Variants in PUF60 observed in about 807,000 individuals in gnomAD.
PUF60 encodes the protein poly(U)-binding-splicing factor PUF60.
PUF60 carries 10 observed loss-of-function variants against 61.8 expected under a neutral mutation model. That is an observed-to-expected ratio of 0.16 (90% CI 0.10 to 0.27). The LOEUF (loss-of-function observed/expected upper bound fraction) is 0.27, where lower values mean the gene tolerates loss of function less well. Among genes scored for constraint, PUF60 ranks in the 10% least tolerant of loss-of-function variants. The probability of loss-of-function intolerance (pLI) is 1.00; values close to 1 mark genes in which losing one functional copy is unlikely to be tolerated. For missense variants in PUF60, 371 were observed against 754.0 expected (o/e 0.49, Z 5.95); for synonymous variants, 353 against 300.9 (o/e 1.17, Z -1.79).
At chr8:143,827,632 G>A in intron 1 of PUF60, 6 of 352,654 alleles carry the variant, frequency 1.7e-5, no homozygotes, top group South Asian at 1.3e-4. Flanking sequence ...CCATCCCAAT[G>A]ATTAAAAGAG....
Position 143,827,599 on chromosome 8 carries a change from A to G in PUF60, c.24+1681T>C, listed in dbSNP as rs185605924. ...TGTGCCCAACCAGGACGGTGGGAAC[A>G]GATAACCCTTCTAGAAGCCTTTCCA... is the stretch of plus-strand genomic sequence containing the variant. On this transcript the variant is annotated intron_variant, in intron 1 of 11. Transcript: ENST00000526683. 1.6e-5 allele frequency: 6 copies of G among 368,682 alleles called. No homozygotes were observed. The Admixed American group carries it at 2.1e-4, about 13-fold the overall frequency. 22.8% of individuals were successfully genotyped at this position (368,682 alleles called of 1,614,324 possible).
rs782023956 is a variant in PUF60 at position 143,829,263 on chromosome 8, TG to T, written c.24+16del. On this transcript the variant is annotated intron_variant, in intron 1 of 11. Coordinates refer to ENST00000526683, the MANE Select transcript of PUF60 (RefSeq NM_078480.3). ...GCAAGCCGAGGGCCGCCCGCGCTCA[TG>T]GGGGGGCTCACTTACGAGAGCTATG... 7.0e-5 allele frequency: 88 copies of T among 1,251,320 alleles called. No individual in the cohort carries two copies. In the African/African-American group the frequency reaches 9.6e-4, roughly 14 times the overall value. The allele number at this position is 1,251,320 out of a possible 1,614,324, so 77.5% of individuals were successfully genotyped here.
At position 143,818,865 on chromosome 8, in the gene PUF60, T is replaced by TAACCCAGGCTGGGC. The variant is rs1219039534; in HGVS notation, c.349-332_349-331insGCCCAGCCTGGGTT. 2 of 351,840 alleles carry TAACCCAGGCTGGGC rather than the reference T, an allele frequency of 5.7e-6. No individual in the cohort carries two copies. Among genetic ancestry groups the TAACCCAGGCTGGGC allele is most frequent in the African/African-American group, 4.2e-5 (2 of 47,884 alleles). 21.8% of individuals were successfully genotyped at this position (351,840 alleles called of 1,614,324 possible). On this transcript the variant is annotated intron_variant, in intron 5 of 11. Coordinates refer to ENST00000526683, the MANE Select transcript of PUF60 (RefSeq NM_078480.3). This position sits in a 1 kb window ranked among gnomAD's most constrained non-coding sequence, Gnocchi z 7.9. ...CCACCCCTCCAGTCTGGGGGCTGGG[T>TAACCCAGGCTGGGC]ATCCCAGGCTGGGCTGGGAGATCCT...
At chr8:143,820,863 C>A (rs1214637407) in intron 4 of PUF60, 147 bp from the exon 5 acceptor site, 7 of 794,300 alleles carry the variant, frequency 8.8e-6, no homozygotes, top group Non-Finnish European at 1.3e-5. Context: ...GCCGCCAGCA[C>A]CTGCCCAGGG....
In PUF60 at chr8:143,820,689, C is replaced by T; in HGVS notation, c.325G>A (p.Asp109Asn). The change falls in exon 5 of 12, where the codon GAT becomes AAT. Residue 109 changes from aspartate (D) to asparagine (N), a missense_variant. Physicochemically the swap from Asp to Asn is conservative, Grantham distance 23 (BLOSUM62 1). Around this residue, in one of 13 missense-constraint regions of PUF60, gnomAD observed 35 missense variants for 173.1 expected, o/e 0.20. Coordinates refer to ENST00000526683, the MANE Select transcript of PUF60 (RefSeq NM_078480.3). ...ACCGATTGCAAAGGTGAGAGAGGATCTCCAAAGCCCATTGTCACTGCTGCC... is the reference window on the plus strand; with the variant it reads ...ACCGATTGCAAAGGTGAGAGAGGATTTCCAAAGCCCATTGTCACTGCTGCC... ...QMAAVTMGFG[D>N]PLSPLQSMAA... The T allele has an allele frequency of 6.2e-7, 1 of 1,613,092 alleles. No individual in the cohort carries two copies. The highest frequency in any genetic ancestry group is 8.5e-7 in the Non-Finnish European group (1 of 1,179,436).
chr8:143,824,735 G>A (rs1023806065), intron 1 of PUF60: 7 of 370,924 alleles, frequency 1.9e-5, no homozygotes, highest in East Asian at 1.1e-4. Context: ...CAAAGGAACC[G>A]GCTGGGTGTC....
rs782037403 is a variant in PUF60 at position 143,829,264 on chromosome 8, G to A, written c.24+16C>T. ...CAAGCCGAGGGCCGCCCGCGCTCAT[G>A]GGGGGGCTCACTTACGAGAGCTATG... On this transcript the variant is annotated intron_variant, in intron 1 of 11. Transcript: ENST00000526683. 4.0e-6 allele frequency: 5 copies of A among 1,255,210 alleles called. No individual in the cohort carries two copies. Among genetic ancestry groups the A allele is most frequent in the Non-Finnish European group, 5.0e-6 (5 of 995,402 alleles). 77.8% of individuals were successfully genotyped at this position (1,255,210 alleles called of 1,614,324 possible). A position where few individuals can be genotyped will look rare whatever the true frequency, so the allele number is the denominator to read the frequency against.
Position 143,817,873 on chromosome 8 carries a change from T to C in PUF60, c.806A>G (p.Tyr269Cys). The change falls in exon 8 of 12, where the codon TAC (tyrosine) becomes TGC (cysteine). Residue 269 changes from tyrosine (Y) to cysteine (C), a missense_variant. This residue lies in a region of PUF60 where 24 missense variants were observed against 35.0 expected (regional missense o/e 0.68). Transcript: ENST00000526683. The surrounding 1 kb of genome is among the most constrained non-coding windows in gnomAD (Gnocchi z 7.4). ...RDPTTGKHKGYGFIEYEKAQS... is the reference protein window; with the variant it reads ...RDPTTGKHKGCGFIEYEKAQS... ...CCACCCCAGCTCACCAATGAAGCCG[T>C]AGCCCTTGTGCTTGCCAGTTGTGGG... 1 of 1,612,180 alleles carries C rather than the reference T, an allele frequency of 6.2e-7. No individual in the cohort carries two copies. Among genetic ancestry groups the C allele is most frequent in the South Asian group, 1.1e-5 (1 of 91,022 alleles).
intron 1 of PUF60, among the ~76,000 whole-genome samples, chr8:143,828,677 G>A (rs867365220): frequency 1.1e-4 from 17 of 152,320 alleles, no homozygotes; most frequent in Admixed American, 6.5e-4. Flanking sequence ...CTCCCGCAGA[G>A]CTGGGGACAA....
chr8:143,827,439 G>A, intron 1 of PUF60: 1 of 456,298 alleles, frequency 2.2e-6, no homozygotes, highest in Non-Finnish European at 4.4e-6. Context: ...CAGAAGGCAT[G>A]CCCATGGGAG....
intron 4 of PUF60, chr8:143,821,381 G>A: frequency 3.3e-6 from 2 of 602,796 alleles, no homozygotes; most frequent in East Asian, 2.8e-5. Flanking sequence ...GAAAGGGGCT[G>A]CGGCGCTTTA....
intron 2 of PUF60, chr8:143,822,598 C>A (rs1817150183): frequency 4.4e-6 from 2 of 456,484 alleles, no homozygotes; most frequent in South Asian, 3.1e-5. Context: ...AAGCCAGGAG[C>A]AGACCCCACT....
chr8:143,817,243 C>T lies in PUF60; in HGVS notation c.1144+88G>A. On this transcript the variant is annotated intron_variant, in intron 10 of 11. Coordinates refer to ENST00000526683, the MANE Select transcript of PUF60 (RefSeq NM_078480.3). The surrounding 1 kb of genome is among the most constrained non-coding windows in gnomAD (Gnocchi z 7.4). ...TGCCCTGGGCTCAGAGGGTTGTGCC[C>T]AGACCACCAGGGCCAGGCAGCTGAG... The T allele has an allele frequency of 2.0e-6, 3 of 1,527,528 alleles. No homozygotes were observed. The African/African-American group carries it at 4.1e-5, about 21-fold the overall frequency. 94.6% of individuals were successfully genotyped at this position (1,527,528 alleles called of 1,614,324 possible). A position where few individuals can be genotyped will look rare whatever the true frequency, so the allele number is the denominator to read the frequency against.
chr8:143,817,834 C>T lies in PUF60; in HGVS notation c.817+28G>A. 1 of 1,608,366 alleles carries T rather than the reference C, an allele frequency of 6.2e-7. No individual in the cohort carries two copies. Among genetic ancestry groups the T allele is most frequent in the South Asian group, 1.1e-5 (1 of 90,664 alleles). On this transcript the variant is annotated intron_variant, in intron 8 of 11. Transcript: ENST00000526683. This position sits in a 1 kb window ranked among gnomAD's most constrained non-coding sequence, Gnocchi z 7.4. ...GGCCAGCCCCAGCCTCAGGTGGCCC[C>T]CATCCCGCCTCAGCCACCCCAGCTC...
Position 143,817,823 on chromosome 8 carries a change from T to C in PUF60, c.817+39A>G. 1 of 1,607,636 alleles carries C rather than the reference T, an allele frequency of 6.2e-7. No homozygotes were observed. The highest frequency in any genetic ancestry group is 8.5e-7 in the Non-Finnish European group (1 of 1,176,978). On this transcript the variant is annotated intron_variant, in intron 8 of 11. Transcript: ENST00000526683. This position sits in a 1 kb window ranked among gnomAD's most constrained non-coding sequence, Gnocchi z 7.4. ...GCAGTGAGCAGGGCCAGCCCCAGCC[T>C]CAGGTGGCCCCCATCCCGCCTCAGC...
Position 143,816,613 on chromosome 8 carries a change from G to A in PUF60, c.1587C>T (p.Ile529=), listed in dbSNP as rs1816318916. Residue 529 remains isoleucine, a synonymous_variant, in exon 12 of 12, where the codon ATC becomes ATT. Transcript: ENST00000526683. Reference sequence around the variant, plus strand: ...CAAACCAGCGGCCATTGAGGGCCTGGATGGCCTTATGAGTCTCAGAGGCTA... The same window carrying A: ...CAAACCAGCGGCCATTGAGGGCCTGAATGGCCTTATGAGTCTCAGAGGCTA... ...FSIASETHKA[I]QALNGRWFAG... The A allele has an allele frequency of 6.2e-7, 1 of 1,613,796 alleles. No individual in the cohort carries two copies. The highest frequency in any genetic ancestry group is 8.5e-7 in the Non-Finnish European group (1 of 1,179,882).
Position 143,817,139 on chromosome 8 carries a change from G to A in PUF60, c.1151C>T (p.Thr384Ile). 1 of 1,598,486 alleles carries A rather than the reference G, an allele frequency of 6.3e-7. No homozygotes were observed. The highest frequency in any genetic ancestry group is 2.2e-5 in the East Asian group (1 of 44,568). Reference sequence around the variant, plus strand: ...GACCGGGATAGGAGGACGGGCTGGGGTCACACCTGCAGGAAAACCAACCAG... The same window carrying A: ...GACCGGGATAGGAGGACGGGCTGGGATCACACCTGCAGGAAAACCAACCAG... ...AQAPGVITGV[T>I]PARPPIPVTI... The change falls in exon 11 of 12, where the codon ACC becomes ATC. Residue 384 changes from threonine to isoleucine, a missense_variant. Physicochemically the swap from Thr to Ile is moderately conservative, Grantham distance 89. Coordinates refer to ENST00000526683, the MANE Select transcript of PUF60 (RefSeq NM_078480.3). This position sits in a 1 kb window ranked among gnomAD's most constrained non-coding sequence, Gnocchi z 7.4.
chr8:143,827,474 C>T (rs181069353), intron 1 of PUF60: 1 of 456,078 alleles, frequency 2.2e-6, no homozygotes, highest in Non-Finnish European at 4.4e-6. Context: ...CATCTTCTGG[C>T]TTCCTTCCCC....
At chr8:143,820,557 C>T (rs1309110707) in intron 5 of PUF60, 109 bp downstream of exon 5, 10 of 1,248,286 alleles carry the variant, frequency 8.0e-6, no homozygotes, top group African/African-American at 1.5e-5. Flanking sequence ...CCAGAGCTGG[C>T]GGGCAGGGCC....
Sources: gnomAD v4.1 joint callset for allele counts (sites outside exome capture counted in the v4.1 genomes callset) on GRCh38, gnomAD v4.1.1 for gene constraint, gnomAD v4.1.1 regional missense constraint, Gnocchi (gnomAD v3.1) non-coding constraint, MANE v1.5 for transcripts, NCBI Gene and HGNC (gene_info 2026-07-23, HGNC 2026-07-21) for gene names.